NALCN: variants seen among roughly 807,000 people sequenced by gnomAD.
The protein encoded by NALCN is sodium leak channel, non-selective, also known as sodium leak channel NALCN.
A neutral mutation model predicts 225.3 loss-of-function variants in NALCN; 111 were observed. The ratio of observed to expected loss-of-function variants is 0.49; its 90% CI spans 0.42 to 0.58. The LOEUF is 0.58. NALCN is among the 20% of genes least tolerant of loss of function. The pLI, the probability that NALCN is intolerant of heterozygous loss-of-function variation, is 0.00. For synonymous variants in NALCN, 764 were observed against 769.0 expected (o/e 0.99, Z 0.11); for missense variants, 1,378 against 2,202.4 (o/e 0.63, Z 7.49).
At position 101,276,815 on chromosome 13, in the gene NALCN, T is replaced by C. The variant is rs146325626; in HGVS notation, c.1134+7118A>G. Among the ~76,000 whole-genome samples, 1,177 of 152,198 alleles carry C rather than the reference T, an allele frequency of 7.7e-3. 10 individuals carry two copies. The highest frequency in any genetic ancestry group is 0.024 in the South Asian group (115 of 4,826). On this transcript the variant is annotated intron_variant, in intron 10 of 43. Coordinates refer to ENST00000251127, the MANE Select transcript of NALCN (RefSeq NM_052867.4). ...TGAAAAGAGGAAACAAATACCATAATAATGGAAATATTTGATATAAGGTAA... is the reference window on the plus strand; with the variant it reads ...TGAAAAGAGGAAACAAATACCATAACAATGGAAATATTTGATATAAGGTAA...
chr13:101,217,045 G>A (rs1381309879), intron 13 of NALCN, among the ~76,000 whole-genome samples: 1 of 152,132 alleles, frequency 6.6e-6, no homozygotes, highest in South Asian at 2.1e-4. Flanking sequence ...ATTTTAGTGG[G>A]AAATCAGAAG....
At chr13:101,299,836 T>TA (rs1255072480) in intron 7 of NALCN, among the ~76,000 whole-genome samples, 1 of 151,984 alleles carries the variant, frequency 6.6e-6, no homozygotes, top group East Asian at 1.9e-4. Flanking sequence ...AGCCACATAT[T>TA]AAAAAAAATT....
chr13:101,177,705 A>G (rs1469772116), intron 14 of NALCN, among the ~76,000 whole-genome samples: 1 of 152,090 alleles, frequency 6.6e-6, no homozygotes, highest in Non-Finnish European at 1.5e-5. Flanking sequence ...TCACTTGATC[A>G]TCTTTTTCAT....
chr13:101,058,427 C>CTT, intron 42 of NALCN: 2 of 150,026 alleles, frequency 1.3e-5, no homozygotes, highest in Non-Finnish European at 2.9e-5. Context: ...TGGGCGGGGG[C>CTT]AGTCTACTGT....
intron 6 of NALCN, among the ~76,000 whole-genome samples, chr13:101,348,129 G>T (rs557401359): frequency 6.6e-6 from 1 of 152,170 alleles, no homozygotes; most frequent in African/African-American, 2.4e-5. Flanking sequence ...TACAATAGCA[G>T]AAATGTCTAA....
intron 15 of NALCN, among the ~76,000 whole-genome samples, chr13:101,161,386 G>C (rs1252828799): frequency 6.6e-6 from 1 of 152,198 alleles, no homozygotes; most frequent in African/African-American, 2.4e-5. Flanking sequence ...TCTTAACTCA[G>C]TTAATGACAT....
intron 7 of NALCN, among the ~76,000 whole-genome samples, chr13:101,331,899 G>A (rs1280660144): frequency 6.6e-6 from 1 of 152,142 alleles, no homozygotes; most frequent in Non-Finnish European, 1.5e-5. Context: ...ACAAAGCCCT[G>A]TTTCCACCTG....
In NALCN at chr13:101,143,154, G is replaced by T. The variant is rs537262600; in HGVS notation, c.2044C>A (p.Pro682Thr). The T allele has an allele frequency of 6.2e-7, 1 of 1,614,102 alleles. No homozygotes were observed. The highest frequency in any genetic ancestry group is 2.2e-5 in the East Asian group (1 of 44,872). Residue 682 changes from proline (P) to threonine (T), a missense_variant, in exon 17 of 44, where the codon CCG (proline) becomes ACG (threonine). Transcript: ENST00000251127. ...QDTCCLLRSL[P>T]TTSSSSCDHS... Reference sequence around the variant, plus strand: ...TCGCAGGAGGAGGAAGAGGTGGTCGGGAGGCTTCTCAGGAGGCAACATGTG... The same window carrying T: ...TCGCAGGAGGAGGAAGAGGTGGTCGTGAGGCTTCTCAGGAGGCAACATGTG...
At chr13:101,177,409 GTATATATATATA>G (rs10624930) in intron 14 of NALCN, among the ~76,000 whole-genome samples, 1 of 124,328 alleles carries the variant, frequency 8.0e-6, no homozygotes, top group Non-Finnish European at 1.8e-5. Flanking sequence ...GTAAATACGA[GTATATATATATA>G]TATATATATA....
At chr13:101,108,647 C>T (rs536105380) in intron 20 of NALCN, among the ~76,000 whole-genome samples, 4 of 152,156 alleles carry the variant, frequency 2.6e-5, no homozygotes, top group East Asian at 1.9e-4. Flanking sequence ...GCAGGCCTGG[C>T]GTGTCTACAT....
intron 1 of NALCN, among the ~76,000 whole-genome samples, chr13:101,400,972 G>A (rs149051180): frequency 1.3e-3 from 203 of 152,222 alleles, no homozygotes; most frequent in African/African-American, 4.5e-3. Context: ...AGGTGTCTTC[G>A]ACCATGATTG....
chr13:101,284,123 T>C (rs2043259952), intron 9 of NALCN, 104 bp from the exon 10 acceptor site: 1 of 891,174 alleles, frequency 1.1e-6, no homozygotes, highest in Non-Finnish European at 1.7e-6. Context: ...AAATTTGTCT[T>C]CTTATGGATT....
At chr13:101,270,273 T>C (rs1271856953) in intron 10 of NALCN, among the ~76,000 whole-genome samples, 1 of 152,074 alleles carries the variant, frequency 6.6e-6, no homozygotes, top group Non-Finnish European at 1.5e-5. Flanking sequence ...AGGACTACAA[T>C]AGGGCTGCTA....
chr13:101,368,602 G>A (rs1196413182), intron 6 of NALCN: 1 of 152,158 alleles, frequency 6.6e-6, no homozygotes, highest in Non-Finnish European at 1.5e-5. Flanking sequence ...GAGTCTCTAA[G>A]AGTAAAACTA....
intron 22 of NALCN, among the ~76,000 whole-genome samples, chr13:101,107,115 A>G (rs1196283887): frequency 6.6e-6 from 1 of 152,256 alleles, no homozygotes; most frequent in Non-Finnish European, 1.5e-5. Flanking sequence ...AAGGAACTAC[A>G]AGCCTCATGG....
At chr13:101,334,757 T>C (rs1205668903) in intron 7 of NALCN, among the ~76,000 whole-genome samples, 1 of 152,156 alleles carries the variant, frequency 6.6e-6, no homozygotes, top group Non-Finnish European at 1.5e-5. Context: ...TATATATGCC[T>C]GTATTCAACA....
chr13:101,110,767 A>C lies in NALCN; in HGVS notation c.2295-79T>G, dbSNP rs73556623. On this transcript the variant is annotated intron_variant, in intron 19 of 43. Coordinates refer to ENST00000251127, the MANE Select transcript of NALCN (RefSeq NM_052867.4). ...AAGCAGTGACCATGATAAAATCAAA[A>C]TAAAACACTTTTTCTGCTACAACGC... 146 of 1,430,732 alleles carry C rather than the reference A, an allele frequency of 1.0e-4. No homozygotes were observed. The African/African-American group carries it at 1.8e-3, about 17-fold the overall frequency. 88.6% of individuals were successfully genotyped at this position (1,430,732 alleles called of 1,614,324 possible).
rs183433597 is a variant in NALCN, at chr13:101,178,180, C to T, written c.1765-1806G>A. ...AATATCAGAGGCAGAGTCTACCTTC[C>T]CCTGTCTTGATTTCTCACCCCGAAT... On this transcript the variant is annotated intron_variant, in intron 14 of 43. Coordinates refer to ENST00000251127, the MANE Select transcript of NALCN (RefSeq NM_052867.4). Among the ~76,000 whole-genome samples, 7 of 152,258 alleles carry T rather than the reference C, an allele frequency of 4.6e-5. No homozygotes were observed. The East Asian group carries it at 1.4e-3, about 29-fold the overall frequency.
At chr13:101,236,909 T>TATA (rs1161856710) in intron 12 of NALCN, among the ~76,000 whole-genome samples, 4 of 147,288 alleles carry the variant, frequency 2.7e-5, no homozygotes, top group African/African-American at 1.0e-4. Context: ...AAACTTAAAG[T>TATA]ATAATAATAA....
Sources: allele counts gnomAD v4.1 joint callset (sites outside exome capture counted in the v4.1 genomes callset), GRCh38; gene constraint gnomAD v4.1.1; transcripts MANE v1.5; gene names NCBI Gene and HGNC (gene_info 2026-07-23, HGNC 2026-07-21).